The following TFCP2 variants were observed in gnomAD, a reference collection of about 807,000 sequenced individuals.
The protein encoded by TFCP2 is transcription factor CP2, also known as alpha-globin transcription factor CP2.
A neutral mutation model predicts 73.4 loss-of-function variants in TFCP2; 33 were observed. That is an observed-to-expected ratio of 0.45 (90% CI 0.34 to 0.60). The LOEUF (loss-of-function observed/expected upper bound fraction) is 0.60, where lower values mean the gene tolerates loss of function less well. Among genes scored for constraint, TFCP2 ranks in the 20% least tolerant of loss-of-function variants. TFCP2 has a pLI of 0.01. For synonymous variants in TFCP2, 193 were observed against 211.6 expected (o/e 0.91, Z 0.76); for missense variants, 352 against 604.0 (o/e 0.58, Z 4.37).
intron 1 of TFCP2, among the ~76,000 whole-genome samples, chr12:51,138,518 A>G (rs757945815): frequency 3.3e-5 from 5 of 152,158 alleles, no homozygotes; most frequent in Non-Finnish European, 7.4e-5. Context: ...TGAAAGTACC[A>G]GAATAGTTAG....
At position 51,099,477 on chromosome 12, in the gene TFCP2, CAA is replaced by C. The variant is rs11296144; in HGVS notation, c.1276+176_1276+177del. 3.7e-3 allele frequency among the ~76,000 whole-genome samples: 509 copies of C among 138,064 alleles called. 2 individuals are homozygous for C. Among genetic ancestry groups the C allele is most frequent in the Middle Eastern group, 7.5e-3 (2 of 266 alleles). The allele number at this position is 138,064 out of a possible 152,430, so 90.6% of individuals were successfully genotyped here. ...TGGGTAACTGAGTGAGACTCTGTCT[CAA>C]AAAAAAAAAAAAAGAATGGCACCTG... On this transcript the variant is annotated intron_variant, in intron 12 of 14. Transcript: ENST00000257915.
intron 3 of TFCP2, among the ~76,000 whole-genome samples, chr12:51,117,248 C>T (rs893488746): frequency 2.0e-5 from 3 of 152,176 alleles, no homozygotes; most frequent in Non-Finnish European, 2.9e-5. Flanking sequence ...TTCAACTGTG[C>T]TGTGAATTAT....
rs775658067 is a variant in TFCP2, at chr12:51,106,605, T to A, written c.837A>T (p.Pro279=). The part of the protein sequence containing the change: ...YETTILTECS[P]WPEITYVNNS... ...TATTGACATACGTGATCTCGGGCCA[T>A]GGAGAACACTAAAAACAAAGGATAA... Residue 279 remains proline, a synonymous_variant, in exon 8 of 15, where the codon CCA becomes CCT. Transcript: ENST00000257915. The A allele has an allele frequency of 6.2e-7, 1 of 1,612,908 alleles. No homozygotes were observed. Among genetic ancestry groups the A allele is most frequent in the South Asian group, 1.1e-5 (1 of 91,014 alleles).
At chr12:51,142,737 C>T (rs1439869888) in intron 1 of TFCP2, among the ~76,000 whole-genome samples, 1 of 152,210 alleles carries the variant, frequency 6.6e-6, no homozygotes, top group African/African-American at 2.4e-5. Flanking sequence ...TCAACTACTG[C>T]TATACTTCTC....
chr12:51,119,950 G>A (rs1318677317), intron 1 of TFCP2, among the ~76,000 whole-genome samples: 21 of 151,544 alleles, frequency 1.4e-4, no homozygotes, highest in African/African-American at 4.1e-4. Flanking sequence ...AGGCCGAGGC[G>A]GGTGGATCAC....
chr12:51,104,147 A>C lies in TFCP2; in HGVS notation c.966+8T>G, dbSNP rs765634389. On this transcript the variant is annotated splice_region_variant and intron_variant, in intron 9 of 14. Transcript: ENST00000257915. ...TTGCAAGTAACTGACATTCAACTTT[A>C]GACTTACATCTGTGACTGGAGGGGG... 6.2e-7 allele frequency: 1 copy of C among 1,613,994 alleles called. No homozygotes were observed. The highest frequency in any genetic ancestry group is 8.5e-7 in the Non-Finnish European group (1 of 1,179,842).
intron 11 of TFCP2, among the ~76,000 whole-genome samples, chr12:51,100,421 G>C (rs576064119): frequency 6.6e-6 from 1 of 152,044 alleles, no homozygotes; most frequent in Non-Finnish European, 1.5e-5. Flanking sequence ...TAATATGCTT[G>C]AAAAAATGAA....
chr12:51,142,789 A>G (rs964282485), intron 1 of TFCP2, among the ~76,000 whole-genome samples: 3 of 151,994 alleles, frequency 2.0e-5, no homozygotes, highest in African/African-American at 7.3e-5. Context: ...CAGAATCTCT[A>G]TTTCCTCACT....
intron 1 of TFCP2, among the ~76,000 whole-genome samples, chr12:51,126,644 G>A (rs1191576332): frequency 2.0e-5 from 3 of 152,104 alleles, no homozygotes; most frequent in East Asian, 3.9e-4. Flanking sequence ...TAGCATCTAA[G>A]GAACTTAGAA....
At chr12:51,124,730 G>A (rs758145381) in intron 1 of TFCP2, 61 of 704,446 alleles carry the variant, frequency 8.7e-5, no homozygotes, top group East Asian at 2.8e-4. Flanking sequence ...CCTTGGAGTC[G>A]CCCTCAGCAG....
chr12:51,130,652 T>C (rs1393836390), intron 1 of TFCP2, among the ~76,000 whole-genome samples: 1 of 152,106 alleles, frequency 6.6e-6, no homozygotes, highest in Non-Finnish European at 1.5e-5. Flanking sequence ...TAAAAGCCTA[T>C]ATACTGGCTA....
chr12:51,113,699 A>G (rs1454835533), intron 4 of TFCP2, among the ~76,000 whole-genome samples: 1 of 152,226 alleles, frequency 6.6e-6, no homozygotes, highest in African/African-American at 2.4e-5. Context: ...AGGCATAAAG[A>G]CAGACATTTA....
At chr12:51,162,926 T>C (rs1472766721) in intron 1 of TFCP2, 1 of 152,232 alleles carries the variant, frequency 6.6e-6, no homozygotes, top group Non-Finnish European at 1.5e-5. Flanking sequence ...GCACATATAC[T>C]AAAGTTGGAA....
chr12:51,167,302 T>G (rs1941775240), intron 1 of TFCP2, among the ~76,000 whole-genome samples: 1 of 152,076 alleles, frequency 6.6e-6, no homozygotes, highest in Non-Finnish European at 1.5e-5. Context: ...TAAACTAGGG[T>G]AAAACAAATG....
intron 13 of TFCP2, among the ~76,000 whole-genome samples, chr12:51,097,267 T>C (rs1399301287): frequency 6.6e-6 from 1 of 151,498 alleles, no homozygotes; most frequent in African/African-American, 2.4e-5. Context: ...TTTCTTTTTT[T>C]GGATGAAGTC....
intron 1 of TFCP2, among the ~76,000 whole-genome samples, chr12:51,166,826 C>A (rs1941767535): frequency 1.3e-5 from 2 of 152,188 alleles, no homozygotes; most frequent in South Asian, 4.1e-4. Context: ...TGAATAAAAT[C>A]TTGTCTCTTT....
intron 14 of TFCP2, among the ~76,000 whole-genome samples, 173 bp downstream of exon 14, chr12:51,095,813 CAAA>C (rs34105291): frequency 8.3e-5 from 7 of 84,180 alleles, no homozygotes; most frequent in Admixed American, 1.6e-4. Context: ...GACTCTGTTT[CAAA>C]AAAAAAAAAA....
chr12:51,138,787 C>T (rs922170482), intron 1 of TFCP2, among the ~76,000 whole-genome samples: 24 of 152,114 alleles, frequency 1.6e-4, no homozygotes, highest in East Asian at 3.9e-4. Context: ...CACAGGTGTG[C>T]GCCACCACAC....
At position 51,163,672 on chromosome 12, in the gene TFCP2, A is replaced by C. The variant is rs555130471; in HGVS notation, c.122+8629T>G. 2.3e-4 allele frequency among the ~76,000 whole-genome samples: 35 copies of C among 152,180 alleles called. No homozygotes were observed. In the South Asian group the frequency reaches 4.3e-3, roughly 19 times the overall value. On this transcript the variant is annotated intron_variant, in intron 1 of 14. Coordinates refer to ENST00000257915, the MANE Select transcript of TFCP2 (RefSeq NM_005653.5). The stretch of plus-strand genomic sequence containing the variant: ...TATGGTGGCTCATGCCTTTAATCCC[A>C]ACACTTTGGGAAGCTGAGGTGGGAG...
Sources: gnomAD v4.1 joint callset for allele counts (sites outside exome capture counted in the v4.1 genomes callset) on GRCh38, gnomAD v4.1.1 for gene constraint, MANE v1.5 for transcripts, NCBI Gene and HGNC (gene_info 2026-07-23, HGNC 2026-07-21) for gene names.